The following MAP3K13 variants were observed in gnomAD, a reference collection of about 807,000 sequenced individuals.
The protein encoded by MAP3K13 is mitogen-activated protein kinase kinase kinase 13, also known as leucine zipper-bearing kinase.
In MAP3K13, 52 loss-of-function variants were observed where a neutral mutation model predicts 104.0. The observed-to-expected ratio is 0.50, with a 90% CI of 0.40 to 0.63. MAP3K13 has a LOEUF of 0.63. Among genes scored for constraint, MAP3K13 ranks in the 20% least tolerant of loss-of-function variants. The pLI, the probability that MAP3K13 is intolerant of heterozygous loss-of-function variation, is 0.00. For synonymous variants in MAP3K13, 394 were observed against 442.2 expected (o/e 0.89, Z 1.37); for missense variants, 914 against 1,218.5 (o/e 0.75, Z 3.72).
At chr3:185,371,243 A>G (rs1234895065) in intron 1 of MAP3K13, among the ~76,000 whole-genome samples, 2 of 152,114 alleles carry the variant, frequency 1.3e-5, no homozygotes, top group Non-Finnish European at 2.9e-5. Flanking sequence ...TTTTTCTTAC[A>G]CCCTTCTTCA....
chr3:185,467,212 C>G (rs959389943), intron 10 of MAP3K13, among the ~76,000 whole-genome samples: 1 of 152,202 alleles, frequency 6.6e-6, no homozygotes, highest in African/African-American at 2.4e-5. Context: ...GGGGGCCAGA[C>G]AGACCTGGAT....
At chr3:185,382,557 A>G (rs192522732) in intron 1 of MAP3K13, among the ~76,000 whole-genome samples, 574 of 152,292 alleles carry the variant, frequency 3.8e-3, no homozygotes, top group Non-Finnish European at 7.0e-3. Flanking sequence ...CTCCAAACCC[A>G]TCTTGAAATT....
chr3:185,304,921 C>T (rs7433247), intron 2 of MAP3K13, among the ~76,000 whole-genome samples: 11,620 of 59,042 alleles, frequency 0.2, 622 homozygotes, highest in South Asian at 0.41. Flanking sequence ...CGTGAGCCAC[C>T]GCACCCGGCC....
rs879136152 is a variant in MAP3K13, at chr3:185,418,319, A to G, written c.-85-10178A>G. On this transcript the variant is annotated intron_variant, in intron 1 of 13. Coordinates refer to ENST00000265026, the MANE Select transcript of MAP3K13 (RefSeq NM_004721.5). This position sits in a 1 kb window ranked among gnomAD's most constrained non-coding sequence, Gnocchi z 4.5. The stretch of plus-strand genomic sequence containing the variant: ...TTGTAGCCTTCAACTTTATCTTCAA[A>G]TACCAAAGGAAGTTCAGGAACTTCC... 2.5e-6 allele frequency: 4 copies of G among 1,584,678 alleles called. No homozygotes were observed. Among genetic ancestry groups the G allele is most frequent in the Non-Finnish European group, 3.5e-6 (4 of 1,155,206 alleles).
chr3:185,365,366 T>C (rs1367121107), intron 1 of MAP3K13, among the ~76,000 whole-genome samples: 2 of 152,186 alleles, frequency 1.3e-5, no homozygotes, highest in Non-Finnish European at 2.9e-5. Context: ...ATTTATTTAG[T>C]AAACAAAGTC....
chr3:185,350,392 G>C (rs972551745), intron 2 of MAP3K13, among the ~76,000 whole-genome samples: 1 of 152,156 alleles, frequency 6.6e-6, no homozygotes, highest in Non-Finnish European at 1.5e-5. Flanking sequence ...TCACCATGTT[G>C]GTCAGGCTGG....
chr3:185,312,369 T>C (rs1051685574), intron 2 of MAP3K13, among the ~76,000 whole-genome samples: 1 of 152,230 alleles, frequency 6.6e-6, no homozygotes, highest in African/African-American at 2.4e-5. Flanking sequence ...TATCCATGCA[T>C]GTGTGTTTCA....
At chr3:185,477,206 A>T in intron 11 of MAP3K13, 120 bp from the exon 12 acceptor site, 1 of 730,706 alleles carries the variant, frequency 1.4e-6, no homozygotes, top group Non-Finnish European at 2.5e-6. Context: ...ACATTCAGCA[A>T]GCTACTACTA....
intron 7 of MAP3K13, among the ~76,000 whole-genome samples, chr3:185,455,170 AGATATATAT>A (rs1187190995): frequency 3.2e-4 from 16 of 49,948 alleles, no homozygotes; most frequent in African/African-American, 7.7e-4. Context: ...GATATATATG[AGATATATAT>A]GATATATATG....
rs1395979709 is a variant in MAP3K13 at position 185,428,884 on chromosome 3, C to T, written c.303C>T (p.Asn101=). ...CAGAGACGGCGGTGTCTCAGGGGAACAGCAACACGGTGGACGGAGAGAGCA... is the reference window on the plus strand; with the variant it reads ...CAGAGACGGCGGTGTCTCAGGGGAATAGCAACACGGTGGACGGAGAGAGCA... ...DESETAVSQG[N]SNTVDGESTS... is the part of the protein sequence containing the mutation. The change falls in exon 2 of 14, where the codon AAC becomes AAT. Residue 101 remains asparagine, a synonymous_variant. Transcript: ENST00000265026. The T allele has an allele frequency of 6.2e-7, 1 of 1,614,046 alleles. No homozygotes were observed. The highest frequency in any genetic ancestry group is 8.5e-7 in the Non-Finnish European group (1 of 1,180,024).
intron 1 of MAP3K13, among the ~76,000 whole-genome samples, chr3:185,388,904 A>G (rs1452996111): frequency 6.6e-6 from 1 of 152,164 alleles, no homozygotes; most frequent in Admixed American, 6.5e-5. Context: ...ATATTGTTAC[A>G]TTGTTTTTTA....
At chr3:185,475,093 CAA>C (rs972600527) in intron 11 of MAP3K13, among the ~76,000 whole-genome samples, 494 of 41,816 alleles carry the variant, frequency 0.012, 1 homozygote, top group African/African-American at 0.037. Context: ...GACCCCATCT[CAA>C]AAAAAAAAAA....
chr3:185,421,700 G>A (rs566731321), intron 1 of MAP3K13, among the ~76,000 whole-genome samples: 12 of 152,282 alleles, frequency 7.9e-5, no homozygotes, highest in African/African-American at 2.9e-4. Context: ...ACCTGAGCCA[G>A]ATTTGCACAG....
At chr3:185,444,210 C>G (rs1715474713) in intron 4 of MAP3K13, among the ~76,000 whole-genome samples, 1 of 151,990 alleles carries the variant, frequency 6.6e-6, no homozygotes, top group Non-Finnish European at 1.5e-5. Flanking sequence ...GTAGCAGGTG[C>G]CTGTAGTCCC....
intron 1 of MAP3K13, among the ~76,000 whole-genome samples, chr3:185,370,919 C>T (rs1577474655): frequency 6.6e-6 from 1 of 152,032 alleles, no homozygotes; most frequent in South Asian, 2.1e-4. Context: ...TCTTTCTGCC[C>T]ATCTCTCACT....
intron 5 of MAP3K13, among the ~76,000 whole-genome samples, chr3:185,449,369 T>C (rs1013845049): frequency 2.5e-5 from 3 of 119,516 alleles, no homozygotes; most frequent in African/African-American, 9.6e-5. Flanking sequence ...CAAGATGCTG[T>C]CTAAAAAAAA....
At chr3:185,361,172 T>C (rs1476689297), upstream of MAP3K13, among the ~76,000 whole-genome samples, 1 of 150,966 alleles carries the variant, frequency 6.6e-6, no homozygotes, top group Non-Finnish European at 1.5e-5. Context: ...TATGTGTGTG[T>C]ATATATTATA....
chr3:185,286,308 C>A (rs1321831617), intron 2 of MAP3K13, among the ~76,000 whole-genome samples: 3 of 151,924 alleles, frequency 2.0e-5, no homozygotes, highest in Non-Finnish European at 4.4e-5. Flanking sequence ...TATTTGTCAC[C>A]TTTTAATCAC....
intron 1 of MAP3K13, chr3:185,283,229 CGAAGTCGTCGAGGAAATACAGACAGGTT>C (rs1158379885): frequency 6.6e-6 from 1 of 152,204 alleles, no homozygotes; most frequent in African/African-American, 2.4e-5. Flanking sequence ...TCTTGGGGCC[CGAAGTCGTCGAGGAAATACAGACAGGTT>C]GAGTCTTCTA....
Sources: gnomAD v4.1 joint callset for allele counts (sites outside exome capture counted in the v4.1 genomes callset) on GRCh38, gnomAD v4.1.1 for gene constraint, Gnocchi (gnomAD v3.1) non-coding constraint, MANE v1.5 for transcripts, NCBI Gene and HGNC (gene_info 2026-07-23, HGNC 2026-07-21) for gene names.